Variants in NUP210L observed in about 807,000 individuals in gnomAD.
NUP210L encodes nucleoporin 210 like, also known as nuclear pore membrane glycoprotein 210-like.
Under a neutral mutation model 208.5 loss-of-function variants are expected in NUP210L, and 74 were observed. That is an observed-to-expected ratio of 0.35 (90% CI 0.29 to 0.43). The LOEUF (loss-of-function observed/expected upper bound fraction) is 0.43, where lower values mean the gene tolerates loss of function less well. NUP210L is among the 20% of genes least tolerant of loss of function. NUP210L has a pLI of 1.00. For missense variants in NUP210L, 1,843 were observed against 2,289.4 expected, an observed-to-expected ratio of 0.81 and a Z score of 3.98; for synonymous variants, 780 against 816.9, an observed-to-expected ratio of 0.95 and a Z score of 0.77.
intron 27 of NUP210L, among the ~76,000 whole-genome samples, chr1:154,037,114 A>G: frequency 6.6e-6 from 1 of 152,162 alleles, no homozygotes; most frequent in East Asian, 1.9e-4. Context: ...CATATTGTCT[A>G]TTCTTGAGAA....
At chr1:154,021,082 C>T (rs1439428163) in intron 32 of NUP210L, among the ~76,000 whole-genome samples, 2 of 151,698 alleles carry the variant, frequency 1.3e-5, no homozygotes, top group Non-Finnish European at 2.9e-5. Flanking sequence ...TCTGGGACTA[C>T]AGGCGTGTGC....
At chr1:154,077,044 A>G (rs958317948) in intron 16 of NUP210L, among the ~76,000 whole-genome samples, 1 of 152,076 alleles carries the variant, frequency 6.6e-6, no homozygotes, top group Non-Finnish European at 1.5e-5. Context: ...ATCAGAAACC[A>G]TGAGGACCAG....
chr1:154,088,865 T>G (rs991755440), intron 16 of NUP210L, among the ~76,000 whole-genome samples: 2 of 152,220 alleles, frequency 1.3e-5, no homozygotes, highest in African/African-American at 2.4e-5. Flanking sequence ...AATATGATGT[T>G]CTACTTTCTA....
At chr1:154,003,260 TG>T (rs1479184538) in intron 35 of NUP210L, among the ~76,000 whole-genome samples, 1 of 151,866 alleles carries the variant, frequency 6.6e-6, no homozygotes, top group African/African-American at 2.4e-5. Flanking sequence ...CAGGCTAGAG[TG>T]CAGTGGCGCA....
At chr1:154,089,473 T>C in exon 16 of NUP210L, 1 of 1,614,150 alleles carries the variant, frequency 6.2e-7, no homozygotes, top group Non-Finnish European at 8.5e-7. Context: ...AGCTGGCACC[T>C]TGTATACTGG....
chr1:154,113,791 G>T (rs1196503212), intron 12 of NUP210L, among the ~76,000 whole-genome samples: 1 of 148,792 alleles, frequency 6.7e-6, no homozygotes, highest in Non-Finnish European at 1.5e-5. Context: ...CTGGGAGGTG[G>T]AGGTTGCAGT....
At chr1:154,030,386 C>T (rs1305969861) in intron 27 of NUP210L, among the ~76,000 whole-genome samples, 1 of 152,004 alleles carries the variant, frequency 6.6e-6, no homozygotes, top group Non-Finnish European at 1.5e-5. Flanking sequence ...CAGCCTCGAC[C>T]TCCCGGGCTC....
chr1:154,059,733 A>G (rs1431944984), intron 20 of NUP210L, among the ~76,000 whole-genome samples: 3 of 152,112 alleles, frequency 2.0e-5, no homozygotes, highest in Non-Finnish European at 2.9e-5. Flanking sequence ...TTTTTTTCAC[A>G]TCATTTGTAC....
At chr1:154,067,199 A>G (rs1654465506) in intron 17 of NUP210L, among the ~76,000 whole-genome samples, 1 of 152,204 alleles carries the variant, frequency 6.6e-6, no homozygotes, top group Admixed American at 6.5e-5. Context: ...CCTCAATAAA[A>G]TACTGGCAAA....
chr1:154,096,498 T>C (rs1489333631), intron 14 of NUP210L, among the ~76,000 whole-genome samples: 1 of 152,160 alleles, frequency 6.6e-6, no homozygotes, highest in Non-Finnish European at 1.5e-5. Context: ...CGGTAGCTCA[T>C]GCCTGTAATC....
At chr1:154,068,329 G>T (rs1161295180) in intron 17 of NUP210L, among the ~76,000 whole-genome samples, 1 of 152,108 alleles carries the variant, frequency 6.6e-6, no homozygotes, top group Admixed American at 6.6e-5. Context: ...AACAAGAAAT[G>T]GGGAAAAGAT....
chr1:154,055,183 CTTTCTTTT>C (rs1557944483), intron 23 of NUP210L, among the ~76,000 whole-genome samples: 1 of 106,438 alleles, frequency 9.4e-6, no homozygotes, highest in African/African-American at 3.4e-5. Context: ...TTCTTTCTTT[CTTTCTTTT>C]TCTTTCTTTC....
chr1:154,020,823 C>G (rs1557919068), intron 32 of NUP210L, among the ~76,000 whole-genome samples: 1 of 151,852 alleles, frequency 6.6e-6, no homozygotes, highest in Non-Finnish European at 1.5e-5. Context: ...CTACACCCGG[C>G]CTTAATTTTT....
chr1:154,064,592 T>A (rs1654299939), intron 17 of NUP210L, among the ~76,000 whole-genome samples: 1 of 152,170 alleles, frequency 6.6e-6, no homozygotes, highest in African/African-American at 2.4e-5. Flanking sequence ...TTAACACAGT[T>A]GTAATGTTTA....
chr1:154,151,478 T>C (rs1659383654), intron 2 of NUP210L, among the ~76,000 whole-genome samples: 1 of 148,382 alleles, frequency 6.7e-6, no homozygotes, highest in East Asian at 2.0e-4. Flanking sequence ...TGGAAAAAAA[T>C]CTGGTGAAAA....
intron 35 of NUP210L, 141 bp downstream of exon 35, chr1:154,009,831 G>T: frequency 6.2e-5 from 34 of 545,682 alleles, no homozygotes; most frequent in Non-Finnish European, 8.9e-5. Context: ...TGAACGGGTT[G>T]AACAAAAATG....
intron 35 of NUP210L, among the ~76,000 whole-genome samples, chr1:154,007,806 C>T (rs573641473): frequency 4.0e-5 from 6 of 151,212 alleles, no homozygotes; most frequent in Admixed American, 4.0e-4. Context: ...GGTCTCCTGA[C>T]CTCGTGATCC....
chr1:154,021,667 C>A (rs1325053144), intron 32 of NUP210L, among the ~76,000 whole-genome samples: 1 of 152,070 alleles, frequency 6.6e-6, no homozygotes, highest in African/African-American at 2.4e-5. Context: ...CCTTTACTGT[C>A]CTTCAATATA....
rs767946351 is a variant in NUP210L at position 154,025,661 on chromosome 1, C to T, written c.4003G>A (p.Val1335Ile). 1.1e-5 allele frequency: 18 copies of T among 1,613,682 alleles called. No homozygotes were observed. The highest frequency in any genetic ancestry group is 9.4e-5 in the African/African-American group (7 of 74,830). Residue 1335 changes from valine to isoleucine, a missense_variant, in exon 30 of 40, where the codon GTC becomes ATC. By Grantham distance (29) the Val-to-Ile change is conservative (BLOSUM62 3). Transcript: ENST00000368559. The stretch of plus-strand genomic sequence containing the variant: ...AGCCCTTCACCATCCTCCTCAATGA[C>T]GGATGAATTAGGGAAACACTTGAGA...
Sources: gnomAD v4.1 joint callset for allele counts (sites outside exome capture counted in the v4.1 genomes callset) on GRCh38, gnomAD v4.1.1 for gene constraint, MANE v1.5 for transcripts, NCBI Gene and HGNC (gene_info 2026-07-23, HGNC 2026-07-21) for gene names.